Variants in GIT2 observed in about 807,000 individuals in gnomAD.
GIT2 encodes ARF GTPase-activating protein GIT2.
In GIT2, 32 loss-of-function variants were observed where a neutral mutation model predicts 100.3. The observed-to-expected ratio is 0.32, with a 90% CI of 0.24 to 0.43. The LOEUF is 0.43. Ranked by LOEUF, GIT2 falls within the 20% of genes least tolerant of loss-of-function variation. The pLI is 1.00. For synonymous variants in GIT2, 353 were observed against 364.1 expected (o/e 0.97, Z 0.35); for missense variants, 737 against 975.1 (o/e 0.76, Z 3.25).
intron 7 of GIT2, among the ~76,000 whole-genome samples, chr12:109,979,984 C>G (rs896997059): frequency 2.0e-5 from 3 of 152,224 alleles, no homozygotes; most frequent in Non-Finnish European, 4.4e-5. Flanking sequence ...ACGACTTAAC[C>G]TATTCAACTC....
intron 7 of GIT2, among the ~76,000 whole-genome samples, chr12:109,971,174 T>C (rs536238398): frequency 4.6e-5 from 7 of 152,350 alleles, no homozygotes; most frequent in South Asian, 2.1e-4. Flanking sequence ...TTGTGGAGAA[T>C]TGACATGTTA....
Position 109,991,490 on chromosome 12 carries a change from G to T in GIT2, c.186+137C>A, listed in dbSNP as rs61248684. On this transcript the variant is annotated intron_variant, in intron 2 of 19. Transcript: ENST00000355312. Reference sequence around the variant, plus strand: ...ACAGATAATATTTGTAAATAGCATTGATGGGCATGCCATCTCTATTCAATT... The same window carrying T: ...ACAGATAATATTTGTAAATAGCATTTATGGGCATGCCATCTCTATTCAATT... The T allele has an allele frequency of 1.0e-3, 689 of 671,188 alleles. 3 individuals are homozygous for T. In the African/African-American group the frequency reaches 0.011, roughly 11 times the overall value. The allele number at this position is 671,188 out of a possible 1,614,324, so 41.6% of individuals were successfully genotyped here. A position where few individuals can be genotyped will look rare whatever the true frequency, so the allele number is the denominator to read the frequency against.
At chr12:109,971,482 T>C (rs1051480458) in intron 7 of GIT2, among the ~76,000 whole-genome samples, 1 of 151,506 alleles carries the variant, frequency 6.6e-6, no homozygotes, top group African/African-American at 2.4e-5. Context: ...CCCACCACCA[T>C]GCCCAGCTAA....
At position 109,933,409 on chromosome 12, in the gene GIT2, G is replaced by A. The variant is rs540851646; in HGVS notation, c.2068-219C>T. Reference sequence around the variant, plus strand: ...ATTCAAAGGTCAAAGTGCATGCAGGGTAATTTTAGTAGTATGTGGTATTTT... The same window carrying A: ...ATTCAAAGGTCAAAGTGCATGCAGGATAATTTTAGTAGTATGTGGTATTTT... On this transcript the variant is annotated intron_variant, in intron 19 of 19. Coordinates refer to ENST00000355312, the MANE Select transcript of GIT2 (RefSeq NM_057169.5). The surrounding 1 kb of genome is among the most constrained non-coding windows in gnomAD (Gnocchi z 4.5). 2 of 474,800 alleles carry A rather than the reference G, an allele frequency of 4.2e-6. No homozygotes were observed. The highest frequency in any genetic ancestry group is 3.9e-5 in the African/African-American group (2 of 51,866). The allele number at this position is 474,800 out of a possible 1,614,324, so 29.4% of individuals were successfully genotyped here. A position where few individuals can be genotyped will look rare whatever the true frequency, so the allele number is the denominator to read the frequency against.
intron 14 of GIT2, chr12:109,949,170 G>A (rs1198960605): frequency 2.9e-6 from 1 of 342,300 alleles, no homozygotes; most frequent in African/African-American, 2.1e-5. Context: ...TGACAAAGCA[G>A]CCCTGAACAT....
rs368757515 is a variant in GIT2 at position 109,967,536 on chromosome 12, T to C, written c.719-33A>G. On this transcript the variant is annotated intron_variant, in intron 7 of 19. Coordinates refer to ENST00000355312, the MANE Select transcript of GIT2 (RefSeq NM_057169.5). Reference sequence around the variant, plus strand: ...AGAAACCAAGTCAAAGTTTTGTTCATAGAAATGTTGATAAGATCTGTAAAG... The same window carrying C: ...AGAAACCAAGTCAAAGTTTTGTTCACAGAAATGTTGATAAGATCTGTAAAG... 1.1e-5 allele frequency: 16 copies of C among 1,469,778 alleles called. No homozygotes were observed. The African/African-American group carries it at 1.4e-4, about 13-fold the overall frequency. 91.0% of individuals were successfully genotyped at this position (1,469,778 alleles called of 1,614,324 possible).
Position 109,934,277 on chromosome 12 carries a change from A to G in GIT2, c.2004-192T>C. The G allele has an allele frequency of 1.7e-6, 1 of 581,908 alleles. No individual in the cohort carries two copies. The highest frequency in any genetic ancestry group is 3.1e-6 in the Non-Finnish European group (1 of 323,522). The allele number at this position is 581,908 out of a possible 1,614,324, so 36.0% of individuals were successfully genotyped here. A position where few individuals can be genotyped will look rare whatever the true frequency, so the allele number is the denominator to read the frequency against. On this transcript the variant is annotated intron_variant, in intron 18 of 19. Coordinates refer to ENST00000355312, the MANE Select transcript of GIT2 (RefSeq NM_057169.5). The surrounding 1 kb of genome is among the most constrained non-coding windows in gnomAD (Gnocchi z 4.5). Reference sequence around the variant, plus strand: ...ACTCTCATTGCTTCCTAAAAGTTCAATCTGATGAAAAGTCTCCAGGTATGA... The same window carrying G: ...ACTCTCATTGCTTCCTAAAAGTTCAGTCTGATGAAAAGTCTCCAGGTATGA...
rs1293306952 is a variant in GIT2 at position 109,931,500 on chromosome 12, A to C, written c.*1478T>G. On this transcript the variant is annotated 3_prime_UTR_variant, in exon 20 of 20. Transcript: ENST00000355312. Reference sequence around the variant, plus strand: ...ATAAATGGAGAGATGGCACCAAAAAACATCTAGGTTTCTTGTCTCTTGAAA... The same window carrying C: ...ATAAATGGAGAGATGGCACCAAAAACCATCTAGGTTTCTTGTCTCTTGAAA... The C allele has an allele frequency of 2.0e-5, 3 of 152,218 alleles. No individual in the cohort carries two copies. Among genetic ancestry groups the C allele is most frequent in the African/African-American group, 4.8e-5 (2 of 41,458 alleles). 9.4% of individuals were successfully genotyped at this position (152,218 alleles called of 1,614,324 possible).
intron 14 of GIT2, among the ~76,000 whole-genome samples, chr12:109,949,185 A>G (rs1323364184): frequency 2.0e-5 from 3 of 152,248 alleles, no homozygotes; most frequent in Non-Finnish European, 4.4e-5. Flanking sequence ...GAACATTTCT[A>G]CATTCCAGGA....
chr12:109,974,322 T>C (rs1045276182), intron 7 of GIT2, among the ~76,000 whole-genome samples: 2 of 151,782 alleles, frequency 1.3e-5, no homozygotes, highest in Non-Finnish European at 2.9e-5. Context: ...AGGCCAGGAG[T>C]TGGAGACCAG....
At chr12:109,945,910 G>A (rs894087960) in intron 15 of GIT2, among the ~76,000 whole-genome samples, 2 of 152,006 alleles carry the variant, frequency 1.3e-5, no homozygotes, top group South Asian at 2.1e-4. Flanking sequence ...TGAGGCGGGC[G>A]GATTGCCTGA....
chr12:109,942,333 A>G (rs1875013031), intron 16 of GIT2, among the ~76,000 whole-genome samples: 1 of 151,858 alleles, frequency 6.6e-6, no homozygotes, highest in Non-Finnish European at 1.5e-5. Context: ...AATCTTTTTT[A>G]TTTATTTATC....
At chr12:109,953,061 T>C in intron 13 of GIT2, 31 bp downstream of exon 13, 1 of 1,612,524 alleles carries the variant, frequency 6.2e-7, no homozygotes, top group Non-Finnish European at 8.5e-7. Context: ...TGATGCGTGC[T>C]TGCCCTTCCA....
rs770898259 is a variant in GIT2 at position 109,975,771 on chromosome 12, C to CT, written c.718+5180dup. 3.7e-3 allele frequency among the ~76,000 whole-genome samples: 453 copies of CT among 121,380 alleles called. 6 individuals are homozygous for CT. The highest frequency in any genetic ancestry group is 5.1e-3 in the East Asian group (22 of 4,350). 79.6% of individuals were successfully genotyped at this position (121,380 alleles called of 152,430 possible). ...ATTTTTGATCACATATCTTTGTAGT[C>CT]TTTTTTTTTTTTTTTTTTTAGATGG... On this transcript the variant is annotated intron_variant, in intron 7 of 19. Transcript: ENST00000355312.
intron 7 of GIT2, among the ~76,000 whole-genome samples, chr12:109,968,203 A>T (rs919120978): frequency 1.4e-4 from 21 of 152,222 alleles, no homozygotes; most frequent in Admixed American, 9.2e-4. Context: ...GCAATGTGAG[A>T]GTTACAGTTG....
At position 109,957,645 on chromosome 12, in the gene GIT2, C is replaced by T. The variant is rs139866700; in HGVS notation, c.1099+2202G>A. Among the ~76,000 whole-genome samples, 1,032 of 148,584 alleles carry T rather than the reference C, an allele frequency of 6.9e-3. 1 individual carries two copies. The highest frequency in any genetic ancestry group is 9.6e-3 in the Non-Finnish European group (641 of 66,704). On this transcript the variant is annotated intron_variant, in intron 12 of 19. Coordinates refer to ENST00000355312, the MANE Select transcript of GIT2 (RefSeq NM_057169.5). ...CCTCAGCCTCCCGAGTAGCTGGGAC[C>T]ACAGGCGTCTGCCACCATGCCCAGC...
rs2136415036 is a variant in GIT2 at position 109,962,503 on chromosome 12, A to G, written c.817-818T>C. ...TTCAGTCTCCAGAAGGAAGCTTCCT[A>G]CCAAAGCACAGCCTGACTCTTCAGC... On this transcript the variant is annotated intron_variant, in intron 9 of 19. Transcript: ENST00000355312. This position sits in a 1 kb window ranked among gnomAD's most constrained non-coding sequence, Gnocchi z 4.3. 6.6e-6 allele frequency among the ~76,000 whole-genome samples: 1 copy of G among 152,286 alleles called. No individual in the cohort carries two copies. The highest frequency in any genetic ancestry group is 2.1e-4 in the South Asian group (1 of 4,824).
chr12:109,939,163 AC>A lies in GIT2; in HGVS notation c.1814+1del. 1 of 1,590,560 alleles carries A rather than the reference AC, an allele frequency of 6.3e-7. No homozygotes were observed. The highest frequency in any genetic ancestry group is 8.6e-7 in the Non-Finnish European group (1 of 1,158,852). ...CCTGGCACGCTCGTCCTGTGCATGT[AC>A]CCCATGCCATCTGGCTCCATGTCGT... On this transcript the variant is annotated splice_donor_variant, in intron 17 of 19. Coordinates refer to ENST00000355312, the MANE Select transcript of GIT2 (RefSeq NM_057169.5). LOFTEE classifies it high-confidence loss of function.
chr12:109,966,777 T>C (rs999481398), intron 8 of GIT2, among the ~76,000 whole-genome samples: 1 of 152,200 alleles, frequency 6.6e-6, no homozygotes, highest in East Asian at 1.9e-4. Flanking sequence ...CAAAGGTAAC[T>C]TGCAAAACAA....
Sources: allele counts gnomAD v4.1 joint callset (sites outside exome capture counted in the v4.1 genomes callset), GRCh38; gene constraint gnomAD v4.1.1; non-coding constraint Gnocchi (gnomAD v3.1); transcripts MANE v1.5; gene names NCBI Gene and HGNC (gene_info 2026-07-23, HGNC 2026-07-21).